SMS: variants seen among roughly 807,000 people sequenced by gnomAD.
SMS encodes the protein spermine synthase, also known as spermidine aminopropyltransferase.
A neutral mutation model predicts 33.0 loss-of-function variants in SMS; 3 were observed. That is an observed-to-expected ratio of 0.09 (90% confidence interval 0.04 to 0.23). SMS has a LOEUF of 0.23. SMS is among the 10% of genes least tolerant of loss of function. The probability of loss-of-function intolerance (pLI) is 1.00; values close to 1 mark genes in which losing one functional copy is unlikely to be tolerated. For synonymous variants in SMS, 103 were observed against 112.2 expected (o/e 0.92, Z 0.52); for missense variants, 117 against 288.6 (o/e 0.41, Z 4.31).
chrX:21,974,809 G>A (rs1342542658), intron 4 of SMS, among the ~76,000 whole-genome samples: 3 of 104,291 alleles, frequency 2.9e-5, no homozygotes, highest in Non-Finnish European at 3.9e-5. Context: ...GGTATACCTT[G>A]TTGTAAACCC....
At chrX:21,973,793 C>T (rs1924348751) in intron 4 of SMS, among the ~76,000 whole-genome samples, 1 of 113,249 alleles carries the variant, frequency 8.8e-6, no homozygotes, top group Admixed American at 9.3e-5. Flanking sequence ...TTAGTGTCTG[C>T]CATGTGGGAC....
chrX:21,963,188 G>A (rs1335563242), intron 1 of SMS, among the ~76,000 whole-genome samples: 1 of 112,025 alleles, frequency 8.9e-6, no homozygotes, highest in Non-Finnish European at 1.9e-5. Flanking sequence ...ATACTACTGC[G>A]GAGTTTTCAG....
intron 1 of SMS, among the ~76,000 whole-genome samples, chrX:21,954,847 G>T (rs764866108): frequency 1.2e-3 from 130 of 109,433 alleles, no homozygotes; most frequent in Middle Eastern, 4.7e-3. Flanking sequence ...TTGAAGTATT[G>T]TTTTTTTTTG....
intron 4 of SMS, among the ~76,000 whole-genome samples, chrX:21,973,386 G>A (rs1158385653): frequency 4.4e-5 from 5 of 112,879 alleles, no homozygotes; most frequent in African/African-American, 1.6e-4. Flanking sequence ...GCAGTGAGCT[G>A]AGATCGCACC....
intron 1 of SMS, among the ~76,000 whole-genome samples, chrX:21,948,433 A>G (rs1223269096): frequency 3.8e-5 from 2 of 52,204 alleles, no homozygotes; most frequent in East Asian, 5.3e-4. Context: ...TAGTCAGTCA[A>G]TGTGTCTTTT....
intron 9 of SMS, among the ~76,000 whole-genome samples, chrX:21,988,662 CAAAAAAAAAAAAAAAAAAAAAAAAAA>C (rs199561897): frequency 1.5e-5 from 1 of 66,156 alleles, no homozygotes; most frequent in Non-Finnish European, 2.8e-5. Context: ...GACTCTGTCT[CAAAAAAAAAAAAAAAAAAAAAAAAAA>C]AAAAGGAGTC....
At chrX:21,944,919 C>T (rs766732502) in intron 1 of SMS, among the ~76,000 whole-genome samples, 6 of 108,521 alleles carry the variant, frequency 5.5e-5, no homozygotes, top group South Asian at 3.7e-4. Context: ...GTGGAGGTTA[C>T]GCTGAGCCCA....
At chrX:21,944,544 A>AAAAAAAAAAGAAAAG (rs1555992699) in intron 1 of SMS, among the ~76,000 whole-genome samples, 3 of 99,060 alleles carry the variant, frequency 3.0e-5, no homozygotes, top group Admixed American at 1.4e-4. Flanking sequence ...AAAAAAAAAA[A>AAAAAAAAAAGAAAAG]AGAAAAAAAA....
At chrX:21,956,619 G>A (rs999983863) in intron 1 of SMS, among the ~76,000 whole-genome samples, 32 of 110,972 alleles carry the variant, frequency 2.9e-4, no homozygotes, top group Non-Finnish European at 4.9e-4. Context: ...ACAGGCATGC[G>A]CCACCACGCC....
At chrX:21,981,906 C>G (rs1188961960) in intron 7 of SMS, among the ~76,000 whole-genome samples, 2 of 111,520 alleles carry the variant, frequency 1.8e-5, no homozygotes, top group African/African-American at 6.5e-5. Flanking sequence ...AGACTAGTAA[C>G]AAGCATGACA....
In SMS at chrX:21,984,343, G is replaced by A. The variant is rs755650468; in HGVS notation, c.790G>A (p.Ala264Thr). The A allele has an allele frequency of 3.3e-6, 4 of 1,195,563 alleles. No homozygotes were observed. The highest frequency in any genetic ancestry group is 4.5e-6 in the Non-Finnish European group (4 of 880,875). ...CTGTATCCCGGTACTGAAGAGGTAC[G>A]CCAAAGAAGGGAGAGAATTTGATTA... ...EDCIPVLKRYAKEGREFDYVI... is the reference protein window; with the variant it reads ...EDCIPVLKRYTKEGREFDYVI... The change falls in exon 8 of 11, where the codon GCC becomes ACC. Residue 264 changes from alanine (A) to threonine (T), a missense_variant. Ala to Thr is a moderately conservative substitution (Grantham distance 58). Coordinates refer to ENST00000404933, the MANE Select transcript of SMS (RefSeq NM_004595.5).
chrX:21,949,083 C>T (rs768650955), intron 1 of SMS, among the ~76,000 whole-genome samples: 1 of 111,877 alleles, frequency 8.9e-6, no homozygotes, highest in Admixed American at 9.5e-5. Context: ...CCGGAAGGAG[C>T]CACCGAGCTA....
At chrX:21,982,724 A>C (rs147815771) in intron 7 of SMS, among the ~76,000 whole-genome samples, 3,745 of 112,615 alleles carry the variant, frequency 0.033, 67 homozygotes, top group Non-Finnish European at 0.047. Context: ...TCAAGTTCCA[A>C]ATGATGTGTG....
chrX:21,942,656 C>G (rs1921898473), intron 1 of SMS, among the ~76,000 whole-genome samples: 1 of 110,389 alleles, frequency 9.1e-6, no homozygotes, highest in African/African-American at 3.3e-5. Flanking sequence ...ATTAATAACC[C>G]TGCCAGCCTT....
At chrX:21,990,345 T>G (rs1925675788) in intron 9 of SMS, among the ~76,000 whole-genome samples, 1 of 112,493 alleles carries the variant, frequency 8.9e-6, no homozygotes, top group Non-Finnish European at 1.9e-5. Flanking sequence ...AACCCCAGTG[T>G]CCTAATATTG....
chrX:21,947,316 G>GGAAT (rs1922309512), intron 1 of SMS, among the ~76,000 whole-genome samples: 1 of 111,282 alleles, frequency 9.0e-6, no homozygotes, highest in Non-Finnish European at 1.9e-5. Flanking sequence ...CTGGGAGTGG[G>GGAAT]GAATGCATGC....
At chrX:21,980,466 A>G (rs1924864808) in intron 7 of SMS, among the ~76,000 whole-genome samples, 1 of 102,376 alleles carries the variant, frequency 9.8e-6, no homozygotes, top group African/African-American at 3.5e-5. Context: ...CCATCTAACA[A>G]ATCTGTACAT....
At chrX:21,957,343 C>A (rs962313296) in intron 1 of SMS, among the ~76,000 whole-genome samples, 1 of 110,061 alleles carries the variant, frequency 9.1e-6, no homozygotes, top group Admixed American at 9.7e-5. Flanking sequence ...GTCACCCAGG[C>A]TGGAGTGCAG....
At chrX:21,972,358 G>A in intron 3 of SMS, 149 bp from the exon 4 acceptor site, 1 of 497,029 alleles carries the variant, frequency 2.0e-6, no homozygotes, top group South Asian at 2.8e-5. Context: ...GTGGAATTGG[G>A]CCAGGCGTCT....
Sources: allele counts gnomAD v4.1 joint callset (sites outside exome capture counted in the v4.1 genomes callset), GRCh38; gene constraint gnomAD v4.1.1; transcripts MANE v1.5; gene names NCBI Gene and HGNC (gene_info 2026-07-23, HGNC 2026-07-21).